LDLRAD1: variants seen among roughly 807,000 people sequenced by gnomAD.
The protein encoded by LDLRAD1 is low density lipoprotein receptor class A domain containing 1.
Under a neutral mutation model 24.8 loss-of-function variants are expected in LDLRAD1, and 17 were observed. The observed-to-expected ratio is 0.69, with a 90% CI of 0.47 to 1.03. LDLRAD1 has a LOEUF of 1.03. LDLRAD1 is among the 50% of genes least tolerant of loss of function. The pLI is 0.00. For synonymous variants in LDLRAD1, 103 were observed against 108.2 expected (o/e 0.95, Z 0.30); for missense variants, 277 against 271.0 (o/e 1.02, Z -0.16).
At chr1:54,010,198 G>C in intron 5 of LDLRAD1, 84 bp downstream of exon 5, 1 of 1,492,596 alleles carries the variant, frequency 6.7e-7, no homozygotes, top group Non-Finnish European at 9.2e-7. Flanking sequence ...GCAAGGGGGA[G>C]CCCTAGAGAT....
At chr1:54,017,938 C>T (rs1369049566) in intron 1 of LDLRAD1, among the ~76,000 whole-genome samples, 154 bp downstream of exon 1, 1 of 152,154 alleles carries the variant, frequency 6.6e-6, no homozygotes, top group Non-Finnish European at 1.5e-5. Flanking sequence ...GGTTTGCTCT[C>T]CCAAGATCAG....
chr1:54,010,257 G>C, intron 5 of LDLRAD1, 25 bp downstream of exon 5: 1 of 1,613,056 alleles, frequency 6.2e-7, no homozygotes, highest in South Asian at 1.1e-5. Context: ...ACCAGCCCCA[G>C]CCCAGCCTGT....
chr1:54,015,647 T>C (rs1484473151), intron 2 of LDLRAD1, among the ~76,000 whole-genome samples: 1 of 125,892 alleles, frequency 7.9e-6, no homozygotes, highest in African/African-American at 2.8e-5. Flanking sequence ...GGGCTTTTGT[T>C]TTTTTTGTTT....
chr1:54,016,443 A>C (rs1365876164), intron 2 of LDLRAD1, among the ~76,000 whole-genome samples: 1 of 152,164 alleles, frequency 6.6e-6, no homozygotes, highest in Admixed American at 6.5e-5. Context: ...GCCATGGGAG[A>C]ACCCGCAGAA....
intron 1 of LDLRAD1, among the ~76,000 whole-genome samples, chr1:54,017,703 T>C (rs1021656007): frequency 6.6e-6 from 1 of 151,942 alleles, no homozygotes; most frequent in Non-Finnish European, 1.5e-5. Flanking sequence ...GACTCCTGGG[T>C]GAGGCTTTCC....
chr1:54,012,631 T>G (rs922079924), intron 3 of LDLRAD1, among the ~76,000 whole-genome samples: 1 of 152,126 alleles, frequency 6.6e-6, no homozygotes, highest in Non-Finnish European at 1.5e-5. Context: ...TTATTTACAG[T>G]GTCATGGGAA....
Position 54,013,428 on chromosome 1 carries a change from A to T in LDLRAD1, c.202+808T>A, listed in dbSNP as rs1199523007. 5.0e-5 allele frequency among the ~76,000 whole-genome samples: 4 copies of T among 79,806 alleles called. No individual in the cohort carries two copies. In the South Asian group the frequency reaches 1.0e-3, roughly 20 times the overall value. The allele number at this position is 79,806 out of a possible 152,430, so 52.4% of individuals were successfully genotyped here. On this transcript the variant is annotated intron_variant, in intron 3 of 5. Transcript: ENST00000371360. ...GGCTGCAGAGCCATCCTTCAGAAAC[A>T]TCAGCCTGCCCCCAACTTGCCCCCA...
intron 3 of LDLRAD1, among the ~76,000 whole-genome samples, chr1:54,013,927 A>T (rs924625444): frequency 2.5e-4 from 38 of 151,790 alleles, no homozygotes; most frequent in Non-Finnish European, 4.6e-4. Context: ...GGGGAAGAGG[A>T]AGTGTAGGGA....
Position 54,008,905 on chromosome 1 carries a change from C to T in LDLRAD1, c.*77G>A, listed in dbSNP as rs899724305. On this transcript the variant is annotated 3_prime_UTR_variant, in exon 6 of 6. Transcript: ENST00000371360. ...TCAAAGGCTGCTTCCTGCCCTTGTGCGCTAGGATTTGATTTTCATGTGAAG... is the reference window on the plus strand; with the variant it reads ...TCAAAGGCTGCTTCCTGCCCTTGTGTGCTAGGATTTGATTTTCATGTGAAG... 20 of 1,374,694 alleles carry T rather than the reference C, an allele frequency of 1.5e-5. No homozygotes were observed. Among genetic ancestry groups the T allele is most frequent in the African/African-American group, 2.9e-5 (2 of 69,000 alleles). The allele number at this position is 1,374,694 out of a possible 1,614,324, so 85.2% of individuals were successfully genotyped here. A position where few individuals can be genotyped will look rare whatever the true frequency, so the allele number is the denominator to read the frequency against.
Position 54,014,381 on chromosome 1 carries a change from C to A in LDLRAD1, c.74-17G>T, listed in dbSNP as rs957871567. 2.6e-6 allele frequency: 4 copies of A among 1,546,450 alleles called. No individual in the cohort carries two copies. The highest frequency in any genetic ancestry group is 3.5e-6 in the Non-Finnish European group (4 of 1,145,838). Reference sequence around the variant, plus strand: ...CGCCGCCTGCTGTGTGGGGGGGAAACAAGCCCGGGGGTGGTGGTGATAGGG... The same window carrying A: ...CGCCGCCTGCTGTGTGGGGGGGAAAAAAGCCCGGGGGTGGTGGTGATAGGG... On this transcript the variant is annotated splice_polypyrimidine_tract_variant and intron_variant, in intron 2 of 5. Transcript: ENST00000371360.
At chr1:54,014,610 G>A (rs1656220088) in intron 2 of LDLRAD1, among the ~76,000 whole-genome samples, 1 of 152,166 alleles carries the variant, frequency 6.6e-6, no homozygotes, top group Admixed American at 6.5e-5. Flanking sequence ...GGCAGAGGCG[G>A]ACAGCCCTCC....
intron 2 of LDLRAD1, among the ~76,000 whole-genome samples, chr1:54,016,997 T>C (rs1372765306): frequency 6.6e-6 from 1 of 152,200 alleles, no homozygotes; most frequent in Non-Finnish European, 1.5e-5. Flanking sequence ...CAGTGGCACA[T>C]AGTAGGGCTA....
At chr1:54,016,622 C>A (rs958845154) in intron 2 of LDLRAD1, among the ~76,000 whole-genome samples, 4 of 152,162 alleles carry the variant, frequency 2.6e-5, no homozygotes, top group African/African-American at 9.7e-5. Context: ...CAACAAAAGC[C>A]CTGGGGCTTT....
In LDLRAD1 at chr1:54,008,977, C is replaced by A. The variant is rs558139294; in HGVS notation, c.*5G>T. Reference sequence around the variant, plus strand: ...CAGCCTTCCATGCTGGCCTGAGTGGCCCACTCAGGGTCCGGGACAGGCATA... The same window carrying A: ...CAGCCTTCCATGCTGGCCTGAGTGGACCACTCAGGGTCCGGGACAGGCATA... On this transcript the variant is annotated 3_prime_UTR_variant, in exon 6 of 6. Coordinates refer to ENST00000371360, the MANE Select transcript of LDLRAD1 (RefSeq NM_001010978.4). 2.5e-6 allele frequency: 4 copies of A among 1,609,168 alleles called. No homozygotes were observed. In the Admixed American group the frequency reaches 5.0e-5, roughly 20 times the overall value.
intron 2 of LDLRAD1, among the ~76,000 whole-genome samples, 185 bp from the exon 3 acceptor site, chr1:54,014,549 G>A (rs1656217042): frequency 6.6e-6 from 1 of 152,094 alleles, no homozygotes; most frequent in African/African-American, 2.4e-5. Flanking sequence ...TCTGCCTGTG[G>A]GCCCACCCCA....
At chr1:54,009,206 C>T in intron 5 of LDLRAD1, 76 bp from the exon 6 acceptor site, 2 of 1,424,582 alleles carry the variant, frequency 1.4e-6, no homozygotes, top group East Asian at 2.3e-5. Context: ...CTCCCTAGTT[C>T]TGAAACCTGC....
Position 54,008,910 on chromosome 1 carries a change from G to A in LDLRAD1, c.*72C>T. ...GGCTGCTTCCTGCCCTTGTGCGCTA[G>A]GATTTGATTTTCATGTGAAGGGTTA... is the stretch of plus-strand genomic sequence containing the variant. On this transcript the variant is annotated 3_prime_UTR_variant, in exon 6 of 6. Coordinates refer to ENST00000371360, the MANE Select transcript of LDLRAD1 (RefSeq NM_001010978.4). 1 of 1,434,738 alleles carries A rather than the reference G, an allele frequency of 7.0e-7. No individual in the cohort carries two copies. The highest frequency in any genetic ancestry group is 1.3e-5 in the South Asian group (1 of 76,704). The allele number at this position is 1,434,738 out of a possible 1,614,324, so 88.9% of individuals were successfully genotyped here.
intron 4 of LDLRAD1, among the ~76,000 whole-genome samples, chr1:54,011,851 C>T (rs952613997): frequency 1.2e-4 from 19 of 152,206 alleles, no homozygotes; most frequent in African/African-American, 4.3e-4. Context: ...ACACTTTAAC[C>T]TAGTGTGGGA....
chr1:54,015,823 T>G (rs1200536219), intron 2 of LDLRAD1, among the ~76,000 whole-genome samples: 2 of 151,780 alleles, frequency 1.3e-5, no homozygotes, highest in African/African-American at 2.4e-5. Context: ...GCCTGGCTAA[T>G]TTTTGTATTT....
Sources: gnomAD v4.1 joint callset for allele counts (sites outside exome capture counted in the v4.1 genomes callset) on GRCh38, gnomAD v4.1.1 for gene constraint, MANE v1.5 for transcripts, NCBI Gene and HGNC (gene_info 2026-07-23, HGNC 2026-07-21) for gene names.